Variants in SLIT2 observed in about 807,000 individuals in gnomAD.
SLIT2 encodes the protein slit homolog 2 protein.
A neutral mutation model predicts 185.7 loss-of-function variants in SLIT2; 41 were observed. That is an observed-to-expected ratio of 0.22 (90% CI 0.17 to 0.29). The LOEUF is 0.29. Ranked by LOEUF, SLIT2 falls within the 10% of genes least tolerant of loss-of-function variation. The pLI is 1.00. For synonymous variants in SLIT2, 693 were observed against 680.2 expected (o/e 1.02, Z -0.29); for missense variants, 1,571 against 1,909.0 (o/e 0.82, Z 3.30).
In SLIT2 at chr4:20,616,906, C is replaced by G; in HGVS notation, c.3848-4C>G. 2 of 1,586,006 alleles carry G rather than the reference C, an allele frequency of 1.3e-6. No individual in the cohort carries two copies. The highest frequency in any genetic ancestry group is 1.7e-6 in the Non-Finnish European group (2 of 1,159,924). The stretch of plus-strand genomic sequence containing the variant: ...CTGACCTCTGACCTGGTGTTCCTCC[C>G]CAGGCATGCCAGGGAAGAGTAACGT... On this transcript the variant is annotated splice_polypyrimidine_tract_variant and splice_region_variant and intron_variant, in intron 34 of 36. Coordinates refer to ENST00000504154, the MANE Select transcript of SLIT2 (RefSeq NM_004787.4).
At chr4:20,363,459 C>T (rs1027767030) in intron 4 of SLIT2, among the ~76,000 whole-genome samples, 1 of 152,136 alleles carries the variant, frequency 6.6e-6, no homozygotes, top group Admixed American at 6.6e-5. Flanking sequence ...TTAGGTTTCA[C>T]TTCTCTCCCA....
chr4:20,283,270 T>C (rs1304233136), intron 4 of SLIT2, among the ~76,000 whole-genome samples: 1 of 152,160 alleles, frequency 6.6e-6, no homozygotes, highest in Non-Finnish European at 1.5e-5. Context: ...CAGCATTCTT[T>C]AGCAACACAA....
chr4:20,289,531 A>G (rs1302658895), intron 4 of SLIT2, among the ~76,000 whole-genome samples: 1 of 152,190 alleles, frequency 6.6e-6, no homozygotes, highest in Non-Finnish European at 1.5e-5. Flanking sequence ...AAAACCCATG[A>G]AGGTGTGTTT....
chr4:20,391,040 T>C lies in SLIT2; in HGVS notation c.396-76712T>C, dbSNP rs577430317. ...ATAATCCACTTAAAGATGGAAAACA[T>C]ACTGTGCTTCAGGGAAGTATGCATA... On this transcript the variant is annotated intron_variant, in intron 4 of 36. Transcript: ENST00000504154. Among the ~76,000 whole-genome samples, 88 of 152,154 alleles carry C rather than the reference T, an allele frequency of 5.8e-4. No homozygotes were observed. In the South Asian group the frequency reaches 0.015, roughly 25 times the overall value.
At chr4:20,304,648 C>T (rs753808183) in intron 4 of SLIT2, among the ~76,000 whole-genome samples, 1 of 152,108 alleles carries the variant, frequency 6.6e-6, no homozygotes, top group Non-Finnish European at 1.5e-5. Context: ...TGTTAGGAAG[C>T]CCGAGAAGTG....
chr4:20,511,078 T>C lies in SLIT2; in HGVS notation c.999T>C (p.Asn333=). The C allele has an allele frequency of 3.7e-6, 6 of 1,601,360 alleles. No homozygotes were observed. The change falls in exon 11 of 37, where the codon AAT becomes AAC. Residue 333 remains asparagine (N), a synonymous_variant. Transcript: ENST00000504154. The part of the protein sequence containing the change: ...YKKLRRIDLS[N]NQISELAPDA... ...TTTCTAATCTTAGTGACCTGAGCAA[T>C]AATCAGATCTCTGAACTTGCACCAG...
At chr4:20,309,470 C>T (rs1377249625) in intron 4 of SLIT2, among the ~76,000 whole-genome samples, 1 of 151,610 alleles carries the variant, frequency 6.6e-6, no homozygotes, top group Admixed American at 6.6e-5. Flanking sequence ...TTTTAACTTA[C>T]AACTTTTTAT....
At chr4:20,304,142 T>C (rs545088277) in intron 4 of SLIT2, among the ~76,000 whole-genome samples, 12 of 152,292 alleles carry the variant, frequency 7.9e-5, no homozygotes, top group African/African-American at 2.6e-4. Context: ...GCAGTATCTC[T>C]TGTGTCACAA....
At chr4:20,561,021 A>G (rs1371494985) in intron 26 of SLIT2, among the ~76,000 whole-genome samples, 1 of 151,854 alleles carries the variant, frequency 6.6e-6, no homozygotes, top group Admixed American at 6.6e-5. Context: ...CTAATAATAT[A>G]TCTATACCAG....
At chr4:20,358,680 G>C (rs1378735642) in intron 4 of SLIT2, among the ~76,000 whole-genome samples, 1 of 152,062 alleles carries the variant, frequency 6.6e-6, no homozygotes, top group Non-Finnish European at 1.5e-5. Context: ...CATGCACCTT[G>C]AAGTTAATTA....
intron 4 of SLIT2, among the ~76,000 whole-genome samples, chr4:20,303,119 A>T (rs1288854213): frequency 1.3e-5 from 2 of 152,206 alleles, no homozygotes; most frequent in Admixed American, 1.3e-4. Context: ...AAGTAGTGTT[A>T]CATGGAAAAT....
intron 4 of SLIT2, among the ~76,000 whole-genome samples, chr4:20,350,328 C>T (rs1721766554): frequency 1.3e-5 from 2 of 151,640 alleles, no homozygotes; most frequent in African/African-American, 4.9e-5. Context: ...TCCTCCAACC[C>T]AATTTTAAAA....
intron 4 of SLIT2, among the ~76,000 whole-genome samples, chr4:20,382,064 G>A (rs1273676334): frequency 6.6e-6 from 1 of 152,034 alleles, no homozygotes; most frequent in Admixed American, 6.6e-5. Flanking sequence ...TCCCAAAAAT[G>A]CAAGGTTGGC....
intron 26 of SLIT2, among the ~76,000 whole-genome samples, chr4:20,560,324 G>C (rs531663517): frequency 6.6e-6 from 1 of 151,778 alleles, no homozygotes; most frequent in African/African-American, 2.4e-5. Flanking sequence ...CTGTTATTTT[G>C]AGTCATTAAC....
chr4:20,529,233 ACT>A lies in SLIT2; in HGVS notation c.1613+137_1613+138del, dbSNP rs1206835716. The A allele has an allele frequency of 8.1e-6, 5 of 616,630 alleles. No individual in the cohort carries two copies. In the East Asian group the frequency reaches 8.5e-5, roughly 11 times the overall value. The allele number at this position is 616,630 out of a possible 1,614,324, so 38.2% of individuals were successfully genotyped here. A position where few individuals can be genotyped will look rare whatever the true frequency, so the allele number is the denominator to read the frequency against. ...AATTAATATGCATTACATTGGCATA[ACT>A]CTATTTTGTACAAGAATATATTAGA... On this transcript the variant is annotated intron_variant, in intron 16 of 36. Coordinates refer to ENST00000504154, the MANE Select transcript of SLIT2 (RefSeq NM_004787.4).
intron 4 of SLIT2, among the ~76,000 whole-genome samples, chr4:20,401,638 C>T (rs965965444): frequency 6.6e-6 from 1 of 151,830 alleles, no homozygotes; most frequent in Non-Finnish European, 1.5e-5. Context: ...CCCTTTCAAC[C>T]TCAAGTCTAA....
intron 12 of SLIT2, among the ~76,000 whole-genome samples, chr4:20,521,445 G>C (rs1254255504): frequency 6.6e-6 from 1 of 152,156 alleles, no homozygotes; most frequent in East Asian, 1.9e-4. Flanking sequence ...ACTGTTCCTT[G>C]GGCCACACTG....
intron 9 of SLIT2, among the ~76,000 whole-genome samples, chr4:20,503,270 G>A (rs964836845): frequency 6.6e-6 from 1 of 152,078 alleles, no homozygotes; most frequent in Non-Finnish European, 1.5e-5. Context: ...CTCAGTGCAG[G>A]GGTGGAGAAT....
chr4:20,578,517 A>G lies in SLIT2; in HGVS notation c.3088+9513A>G, dbSNP rs1560210300. 3.3e-5 allele frequency among the ~76,000 whole-genome samples: 5 copies of G among 152,296 alleles called. No individual in the cohort carries two copies. The South Asian group carries it at 1.0e-3, about 32-fold the overall frequency. ...TTAATAATTATTTCTTATAAAAAAC[A>G]GTTTGTTACAAGTTACAGTAGGAAT... On this transcript the variant is annotated intron_variant, in intron 29 of 36. Transcript: ENST00000504154.
Sources: allele counts gnomAD v4.1 joint callset (sites outside exome capture counted in the v4.1 genomes callset), GRCh38; gene constraint gnomAD v4.1.1; transcripts MANE v1.5; gene names NCBI Gene and HGNC (gene_info 2026-07-23, HGNC 2026-07-21).